The following TRAK1 variants were observed in gnomAD, a reference collection of about 807,000 sequenced individuals.
TRAK1 encodes trafficking kinesin protein 1.
A neutral mutation model predicts 92.1 loss-of-function variants in TRAK1; 33 were observed. The ratio of observed to expected loss-of-function variants is 0.36; its 90% CI spans 0.27 to 0.48. The LOEUF is 0.48. TRAK1 is among the 20% of genes least tolerant of loss of function. The pLI is 0.99. For synonymous variants in TRAK1, 521 were observed against 517.3 expected (o/e 1.01, Z -0.10); for missense variants, 1,123 against 1,257.9 (o/e 0.89, Z 1.62).
chr3:42,077,403 C>T (rs891342779), intron 1 of TRAK1, among the ~76,000 whole-genome samples: 1 of 152,170 alleles, frequency 6.6e-6, no homozygotes, highest in African/African-American at 2.4e-5. Flanking sequence ...ATTCTTTTGC[C>T]TCAGCCTCCC....
At chr3:42,203,721 T>C in intron 13 of TRAK1, 1 of 984,486 alleles carries the variant, frequency 1.0e-6, no homozygotes, top group Non-Finnish European at 1.2e-6. Flanking sequence ...TTAAAAAAAT[T>C]ATTGTCCCCT....
chr3:42,064,176 C>T lies in TRAK1; in HGVS notation c.-518-22928C>T, dbSNP rs566112329. 2.6e-5 allele frequency among the ~76,000 whole-genome samples: 4 copies of T among 152,090 alleles called. No individual in the cohort carries two copies. In the South Asian group the frequency reaches 8.3e-4, roughly 32 times the overall value. Reference sequence around the variant, plus strand: ...GATACATCACAAAAATGCGAATGCTCGCAGCCAGGCGGGCGCTGTGGCTCA... The same window carrying T: ...GATACATCACAAAAATGCGAATGCTTGCAGCCAGGCGGGCGCTGTGGCTCA... On this transcript the variant is annotated intron_variant, in intron 1 of 16. Transcript: ENST00000487159.
intron 1 of TRAK1, among the ~76,000 whole-genome samples, chr3:42,041,890 G>A (rs955695268): frequency 6.6e-6 from 1 of 152,042 alleles, no homozygotes; most frequent in Non-Finnish European, 1.5e-5. Context: ...CGCCTCCCGG[G>A]TTCAAGCGAT....
At chr3:42,214,521 A>C (rs767951023) in intron 14 of TRAK1, among the ~76,000 whole-genome samples, 2 of 152,220 alleles carry the variant, frequency 1.3e-5, no homozygotes, top group Non-Finnish European at 2.9e-5. Flanking sequence ...CTCTCTCTAG[A>C]AGATACCCCA....
chr3:42,038,596 G>A (rs978133792), intron 1 of TRAK1, among the ~76,000 whole-genome samples: 6 of 152,084 alleles, frequency 3.9e-5, no homozygotes, highest in East Asian at 1.9e-4. Context: ...GACCAGCCTG[G>A]CCAACATGGT....
chr3:42,199,318 A>C, intron 11 of TRAK1, 65 bp downstream of exon 11: 1 of 1,533,490 alleles, frequency 6.5e-7, no homozygotes, highest in Non-Finnish European at 9.0e-7. Context: ...GCAGTGTTCA[A>C]AACCTAGCAA....
chr3:42,222,522 G>C (rs78589553), intron 15 of TRAK1, among the ~76,000 whole-genome samples: 14,569 of 152,268 alleles, frequency 0.096, 898 homozygotes, highest in African/African-American at 0.17. Flanking sequence ...AAGAAGGAAT[G>C]CTGGAATCTG....
At chr3:42,065,802 A>G (rs1703651700) in intron 1 of TRAK1, among the ~76,000 whole-genome samples, 1 of 151,478 alleles carries the variant, frequency 6.6e-6, no homozygotes, top group Non-Finnish European at 1.5e-5. Context: ...TCTCATTCTT[A>G]ATTTTTTTAT....
chr3:42,193,009 A>C (rs968273602), intron 7 of TRAK1, 66 bp from the exon 8 acceptor site: 1 of 1,582,406 alleles, frequency 6.3e-7, no homozygotes, highest in Non-Finnish European at 8.6e-7. Flanking sequence ...CAAAGAAACC[A>C]TTCTCTCTGG....
chr3:42,080,703 A>ATTG (rs1370667836), intron 1 of TRAK1, among the ~76,000 whole-genome samples: 1 of 152,110 alleles, frequency 6.6e-6, no homozygotes, highest in Non-Finnish European at 1.5e-5. Flanking sequence ...TTGGGGAAAG[A>ATTG]TTGTCACCTT....
chr3:42,120,059 T>A lies in TRAK1; in HGVS notation c.92-5361T>A, dbSNP rs73828547. ...CTATTTAAAACAAAAAATAAAAAAA[T>A]AAATAAATAAAAAGCTCTTTTCCAG... is the stretch of plus-strand genomic sequence containing the variant. On this transcript the variant is annotated intron_variant, in intron 1 of 15. Coordinates refer to ENST00000327628, the MANE Select transcript of TRAK1 (RefSeq NM_001042646.3). Among the ~76,000 whole-genome samples, 395 of 152,054 alleles carry A rather than the reference T, an allele frequency of 2.6e-3. 1 individual carries two copies. Among genetic ancestry groups the A allele is most frequent in the African/African-American group, 8.2e-3 (341 of 41,492 alleles).
chr3:42,111,690 C>T (rs1056734083), intron 1 of TRAK1, among the ~76,000 whole-genome samples: 3 of 152,070 alleles, frequency 2.0e-5, no homozygotes, highest in Non-Finnish European at 2.9e-5. Flanking sequence ...CCACTGCGCC[C>T]AGCCCTAGTT....
intron 14 of TRAK1, chr3:42,217,781 T>A: frequency 1.0e-6 from 1 of 985,416 alleles, no homozygotes. Context: ...AGGCTTTTTG[T>A]TATTTTTGTT....
intron 2 of TRAK1, among the ~76,000 whole-genome samples, chr3:42,138,877 GTGT>G (rs1698304886): frequency 3.7e-5 from 2 of 53,682 alleles, no homozygotes; most frequent in Admixed American, 3.1e-4. Flanking sequence ...AGCATAGGGG[GTGT>G]GTGTGTGTGT....
intron 3 of TRAK1, among the ~76,000 whole-genome samples, chr3:42,180,496 A>C (rs1260752320): frequency 6.6e-6 from 1 of 152,050 alleles, no homozygotes; most frequent in Non-Finnish European, 1.5e-5. Context: ...TAACTGAAGA[A>C]GAGGAAAACT....
At chr3:42,155,551 G>C (rs988711401) in intron 2 of TRAK1, among the ~76,000 whole-genome samples, 3 of 152,120 alleles carry the variant, frequency 2.0e-5, no homozygotes, top group Non-Finnish European at 4.4e-5. Context: ...TCTGTTTGAG[G>C]TGTGGTGGGA....
intron 2 of TRAK1, among the ~76,000 whole-genome samples, chr3:42,140,074 AG>A (rs1443858368): frequency 6.6e-6 from 1 of 152,106 alleles, no homozygotes; most frequent in Non-Finnish European, 1.5e-5. Flanking sequence ...TCTCAGAGGT[AG>A]GGTTGATTTT....
chr3:42,219,484 C>G lies in TRAK1; in HGVS notation c.1964-10C>G. On this transcript the variant is annotated splice_polypyrimidine_tract_variant and intron_variant, in intron 14 of 15. Transcript: ENST00000327628. ...GATGCAAGGAATATGTTTTGTTCCT[C>G]CCAATTTAGCGCACCATCCTGGGAA... 6.2e-7 allele frequency: 1 copy of G among 1,614,048 alleles called. No homozygotes were observed. The highest frequency in any genetic ancestry group is 2.2e-5 in the East Asian group (1 of 44,880).
rs532154669 is a variant in TRAK1 at position 42,080,015 on chromosome 3, G to T, written c.-518-7089G>T. Among the ~76,000 whole-genome samples, 32 of 152,206 alleles carry T rather than the reference G, an allele frequency of 2.1e-4. No individual in the cohort carries two copies. In the South Asian group the frequency reaches 3.7e-3, roughly 18 times the overall value. On this transcript the variant is annotated intron_variant, in intron 1 of 16. Coordinates refer to the TRAK1 transcript ENST00000487159. ...CTTCCTGGAGTGGTATAGCTGGAAG[G>T]CAGTGTGTTGAAGGTTGCTCGATCC... is the stretch of plus-strand genomic sequence containing the variant.
Sources: gnomAD v4.1 joint callset for allele counts (sites outside exome capture counted in the v4.1 genomes callset) on GRCh38, gnomAD v4.1.1 for gene constraint, MANE v1.5 for transcripts, NCBI Gene and HGNC (gene_info 2026-07-23, HGNC 2026-07-21) for gene names.